Variants in LAMC1 observed in about 807,000 individuals in gnomAD.
LAMC1 encodes laminin subunit gamma 1.
In LAMC1, 38 loss-of-function variants were observed where a neutral mutation model predicts 173.6. That is an observed-to-expected ratio of 0.22 (90% CI 0.17 to 0.29). The LOEUF is 0.29. Among genes scored for constraint, LAMC1 ranks in the 10% least tolerant of loss-of-function variants. LAMC1 has a pLI of 1.00. For synonymous variants in LAMC1, 746 were observed against 749.1 expected (o/e 1.00, Z 0.07); for missense variants, 1,824 against 2,051.8 (o/e 0.89, Z 2.14).
intron 1 of LAMC1, among the ~76,000 whole-genome samples, chr1:183,033,319 C>T (rs575142964): frequency 2.0e-5 from 3 of 152,264 alleles, no homozygotes; most frequent in East Asian, 3.9e-4. Flanking sequence ...GCTTGGTAGA[C>T]GCCTCAGGCA....
chr1:183,056,051 T>G (rs1471022537), intron 1 of LAMC1, among the ~76,000 whole-genome samples: 1 of 152,188 alleles, frequency 6.6e-6, no homozygotes, highest in Non-Finnish European at 1.5e-5. Context: ...CTTTCTTTAG[T>G]AAAGATGGAG....
intron 1 of LAMC1, among the ~76,000 whole-genome samples, chr1:183,062,808 G>C (rs1333348367): frequency 1.3e-5 from 2 of 152,034 alleles, no homozygotes; most frequent in African/African-American, 4.8e-5. Flanking sequence ...AAAAAAATTA[G>C]CTGTGCTTGG....
intron 26 of LAMC1, chr1:183,138,204 A>G: frequency 1.0e-6 from 1 of 975,854 alleles, no homozygotes; most frequent in African/African-American, 1.7e-5. Flanking sequence ...TTAGAGACAA[A>G]GACAAGTTTC....
intron 4 of LAMC1, 104 bp from the exon 5 acceptor site, chr1:183,114,427 C>A: frequency 2.7e-6 from 3 of 1,124,710 alleles, no homozygotes; most frequent in African/African-American, 1.5e-5. Flanking sequence ...CTACCACCAT[C>A]TGTCTGTCTC....
At chr1:183,132,642 C>A in intron 21 of LAMC1, 105 bp downstream of exon 21, 1 of 819,438 alleles carries the variant, frequency 1.2e-6, no homozygotes, top group Non-Finnish European at 1.9e-6. Context: ...TACATTCATG[C>A]AGTAAGATTT....
At chr1:183,094,530 A>T (rs1655645644) in intron 1 of LAMC1, among the ~76,000 whole-genome samples, 1 of 152,172 alleles carries the variant, frequency 6.6e-6, no homozygotes, top group African/African-American at 2.4e-5. Flanking sequence ...TAGAACAGGG[A>T]CTGACACATA....
At chr1:183,136,312 G>A in intron 24 of LAMC1, 74 bp from the exon 25 acceptor site, 1 of 1,322,562 alleles carries the variant, frequency 7.6e-7, no homozygotes, top group South Asian at 1.2e-5. Flanking sequence ...ACAAAATCCA[G>A]TTGGAACTCC....
intron 1 of LAMC1, among the ~76,000 whole-genome samples, chr1:183,036,606 T>C (rs1571401089): frequency 1.3e-5 from 2 of 152,124 alleles, no homozygotes; most frequent in Admixed American, 1.3e-4. Context: ...GTTCACCATG[T>C]TGGCCAGGCT....
intron 20 of LAMC1, 48 bp downstream of exon 20, chr1:183,131,426 G>GGGGT (rs1553258260): frequency 5.5e-6 from 5 of 906,614 alleles, no homozygotes; most frequent in African/African-American, 3.0e-5. Context: ...CTTCTGTTAT[G>GGGGT]GGGTGTGTGT....
chr1:183,066,408 G>C (rs969069224), intron 1 of LAMC1, among the ~76,000 whole-genome samples: 1 of 152,128 alleles, frequency 6.6e-6, no homozygotes, highest in Non-Finnish European at 1.5e-5. Flanking sequence ...GATTCCTCAA[G>C]GATCTAGAAC....
At chr1:183,068,830 T>C (rs927464524) in intron 1 of LAMC1, among the ~76,000 whole-genome samples, 2 of 151,906 alleles carry the variant, frequency 1.3e-5, no homozygotes, top group African/African-American at 4.8e-5. Flanking sequence ...TAGTCCCAGC[T>C]ACTTGGGAGG....
At chr1:183,086,430 T>C (rs1655429178) in intron 1 of LAMC1, among the ~76,000 whole-genome samples, 1 of 152,242 alleles carries the variant, frequency 6.6e-6, no homozygotes, top group Non-Finnish European at 1.5e-5. Context: ...AGCAGAGAAT[T>C]CATCCTTTCT....
At chr1:183,043,108 G>A (rs772422766) in intron 1 of LAMC1, among the ~76,000 whole-genome samples, 10 of 152,090 alleles carry the variant, frequency 6.6e-5, no homozygotes, top group Non-Finnish European at 1.2e-4. Context: ...TTCATTGCGA[G>A]TTCATTGAAG....
intron 1 of LAMC1, among the ~76,000 whole-genome samples, chr1:183,026,378 A>G (rs1653686790): frequency 6.6e-6 from 1 of 152,120 alleles, no homozygotes. Context: ...GTTTGTGTGT[A>G]GTGAGGTTGA....
At chr1:183,050,704 C>T (rs1051874230) in intron 1 of LAMC1, among the ~76,000 whole-genome samples, 7 of 149,598 alleles carry the variant, frequency 4.7e-5, no homozygotes, top group Non-Finnish European at 8.9e-5. Context: ...CCAGCCTGAC[C>T]AACATGGTGA....
chr1:183,043,419 A>G (rs949487635), intron 1 of LAMC1, among the ~76,000 whole-genome samples: 10 of 152,310 alleles, frequency 6.6e-5, no homozygotes, highest in Admixed American at 4.6e-4. Context: ...ATCACATTTG[A>G]TTACGTAAGT....
intron 1 of LAMC1, among the ~76,000 whole-genome samples, chr1:183,084,151 G>C (rs538463034): frequency 6.6e-6 from 1 of 152,166 alleles, no homozygotes; most frequent in Admixed American, 6.5e-5. Context: ...TCAGGAGATC[G>C]AGACCAAGTG....
Position 183,053,903 on chromosome 1 carries a change from G to T in LAMC1, c.418+29769G>T, listed in dbSNP as rs150702478. On this transcript the variant is annotated intron_variant, in intron 1 of 27. Coordinates refer to ENST00000258341, the MANE Select transcript of LAMC1 (RefSeq NM_002293.4). The stretch of plus-strand genomic sequence containing the variant: ...GGCCTCCCAAAGTGCTAGGATTACA[G>T]GTGTGAGCCACTGCTCCTGGCCAAA... Among the ~76,000 whole-genome samples the T allele has an allele frequency of 3.6e-3, 545 of 152,318 alleles. 5 individuals are homozygous for T. Among genetic ancestry groups the T allele is most frequent in the African/African-American group, 0.012 (514 of 41,562 alleles).
intron 1 of LAMC1, among the ~76,000 whole-genome samples, chr1:183,075,657 C>G (rs1251673061): frequency 2.0e-5 from 3 of 152,170 alleles, no homozygotes; most frequent in Non-Finnish European, 2.9e-5. Flanking sequence ...TTAATATTTT[C>G]TCCACATCTC....
Sources: gnomAD v4.1 joint callset for allele counts (sites outside exome capture counted in the v4.1 genomes callset) on GRCh38, gnomAD v4.1.1 for gene constraint, MANE v1.5 for transcripts, NCBI Gene and HGNC (gene_info 2026-07-23, HGNC 2026-07-21) for gene names.